The following MOGAT3 variants were observed in gnomAD, a reference collection of about 807,000 sequenced individuals.
MOGAT3 encodes the protein monoacylglycerol O-acyltransferase 3, also known as 2-acylglycerol O-acyltransferase 3.
A neutral mutation model predicts 34.4 loss-of-function variants in MOGAT3; 39 were observed. The observed-to-expected ratio is 1.13, with a 90% confidence interval of 0.88 to 1.48. The LOEUF is 1.48. MOGAT3 is among the 40% of genes most tolerant of loss of function. MOGAT3 has a pLI of 0.00. For synonymous variants in MOGAT3, 209 were observed against 179.2 expected (o/e 1.17, Z -1.33); for missense variants, 439 against 438.9 (o/e 1.00, Z 0.00).
chr7:101,198,569 G>C, intron 4 of MOGAT3, 57 bp downstream of exon 4: 1 of 1,537,126 alleles, frequency 6.5e-7, no homozygotes, highest in Non-Finnish European at 8.9e-7. Flanking sequence ...TCCCAGAGGG[G>C]CTGGGGAACA....
intron 2 of MOGAT3, 48 bp downstream of exon 2, chr7:101,200,360 C>G (rs747472139): frequency 6.2e-7 from 1 of 1,611,104 alleles, no homozygotes; most frequent in South Asian, 1.1e-5. Flanking sequence ...CCCTCACCCC[C>G]CATGTCCCCA....
Position 101,196,102 on chromosome 7 carries a change from T to C in MOGAT3, c.872-2A>G, listed in dbSNP as rs778118479. ...GGGGGACGGGGATGGGGCGGCCCAC[T>C]GCAGGGAGAGGGAGACAGGTGGGCG... On this transcript the variant is annotated splice_acceptor_variant, in intron 6 of 6. Coordinates refer to ENST00000223114, the MANE Select transcript of MOGAT3 (RefSeq NM_178176.4). LOFTEE classifies it high-confidence loss of function. The C allele has an allele frequency of 1.2e-6, 2 of 1,605,648 alleles. No individual in the cohort carries two copies. The highest frequency in any genetic ancestry group is 1.3e-5 in the African/African-American group (1 of 74,750).
chr7:101,200,032 G>C (rs1014146402), intron 3 of MOGAT3, among the ~76,000 whole-genome samples: 1 of 151,602 alleles, frequency 6.6e-6, no homozygotes, highest in African/African-American at 2.4e-5. Context: ...GGCGGAGGTT[G>C]CAATGAGCTG....
In MOGAT3 at chr7:101,196,186, C is replaced by A. The variant is rs1004826750; in HGVS notation, c.871+1G>T. On this transcript the variant is annotated splice_donor_variant, in intron 6 of 6. Transcript: ENST00000223114. LOFTEE classifies it high-confidence loss of function. The stretch of plus-strand genomic sequence containing the variant: ...CCGTCCCCCCGGAGGTGGGCACTCA[C>A]CCACAGTGGTGATGGGCACAGCAAA... The A allele has an allele frequency of 8.9e-6, 14 of 1,573,304 alleles. No individual in the cohort carries two copies. The highest frequency in any genetic ancestry group is 1.2e-5 in the Non-Finnish European group (14 of 1,159,064).
rs751804357 is a variant in MOGAT3, at chr7:101,196,143, C to T, written c.872-43G>A. On this transcript the variant is annotated intron_variant, in intron 6 of 6. Coordinates refer to ENST00000223114, the MANE Select transcript of MOGAT3 (RefSeq NM_178176.4). Reference sequence around the variant, plus strand: ...CAGGTGGGCGAGGGATCCCTGATGCCCACGCAGCTGCTGGTGGCCGTCCCC... The same window carrying T: ...CAGGTGGGCGAGGGATCCCTGATGCTCACGCAGCTGCTGGTGGCCGTCCCC... 3 of 1,578,802 alleles carry T rather than the reference C, an allele frequency of 1.9e-6. No individual in the cohort carries two copies. The East Asian group carries it at 7.0e-5, about 37-fold the overall frequency.
At position 101,200,837 on chromosome 7, in the gene MOGAT3, G is replaced by A. The variant is rs761598820; in HGVS notation, c.18C>T (p.Thr6=). The part of the protein sequence containing the change: MGVAT[T]LQPPTTSKTL... ...TTTTGGAAGTGGTTGGGGGCTGCAG[G>A]GTTGTGGCAACTCCCATTGCAGAAG... Residue 6 remains threonine, a synonymous_variant, in exon 1 of 7, where the codon ACC becomes ACT. Coordinates refer to ENST00000223114, the MANE Select transcript of MOGAT3 (RefSeq NM_178176.4). 6.2e-6 allele frequency: 10 copies of A among 1,613,712 alleles called. No individual in the cohort carries two copies. Among genetic ancestry groups the A allele is most frequent in the Non-Finnish European group, 8.5e-6 (10 of 1,179,926 alleles).
downstream of MOGAT3, among the ~76,000 whole-genome samples, chr7:101,193,155 T>C (rs2116755424): frequency 6.6e-6 from 1 of 152,018 alleles, no homozygotes; most frequent in South Asian, 2.1e-4. Context: ...GGTGCTGTGG[T>C]GCAATCTTGG....
chr7:101,200,893 G>T lies in MOGAT3; in HGVS notation c.-39C>A, dbSNP rs371421116. On this transcript the variant is annotated 5_prime_UTR_variant, in exon 1 of 7. Coordinates refer to ENST00000223114, the MANE Select transcript of MOGAT3 (RefSeq NM_178176.4). ...CTCTTCCAGCAGGATCCCAGAACCC[G>T]GAGGACAAACGATGAAGGCTTGGAT... is the stretch of plus-strand genomic sequence containing the variant. 3 of 1,541,414 alleles carry T rather than the reference G, an allele frequency of 1.9e-6. No homozygotes were observed. The highest frequency in any genetic ancestry group is 1.8e-6 in the Non-Finnish European group (2 of 1,125,222).
rs1370405492 is a variant in MOGAT3, at chr7:101,200,266, A to G, written c.256T>C (p.Trp86Arg). The stretch of plus-strand genomic sequence containing the variant: ...GGATAATAATCCCTTAGTTGTCTCC[A>G]AATTGCCCGGTTCCTTATCCACTCC... ...RSEWIRNRAI[W>R]RQLRDYYPVK... Residue 86 changes from tryptophan (W) to arginine (R), a missense_variant, in exon 3 of 7, where the codon TGG becomes CGG. Physicochemically the swap from Trp to Arg is moderately radical, Grantham distance 101 (BLOSUM62 -3). Coordinates refer to ENST00000223114, the MANE Select transcript of MOGAT3 (RefSeq NM_178176.4). 1 of 1,614,092 alleles carries G rather than the reference A, an allele frequency of 6.2e-7. No individual in the cohort carries two copies. The highest frequency in any genetic ancestry group is 1.7e-5 in the Admixed American group (1 of 60,010).
intron 5 of MOGAT3, among the ~76,000 whole-genome samples, chr7:101,196,882 G>A (rs1199548368): frequency 1.3e-5 from 2 of 150,402 alleles, no homozygotes; most frequent in Non-Finnish European, 3.0e-5. Context: ...AAATAAATAG[G>A]CTGGGTGCGG....
chr7:101,196,956 A>C (rs1000666065), intron 5 of MOGAT3, among the ~76,000 whole-genome samples: 7 of 152,212 alleles, frequency 4.6e-5, no homozygotes, highest in African/African-American at 1.7e-4. Flanking sequence ...TGAGGTCAGG[A>C]GTTCGAGACC....
intron 5 of MOGAT3, 70 bp from the exon 6 acceptor site, chr7:101,196,459 C>T: frequency 8.9e-7 from 1 of 1,120,586 alleles, no homozygotes; most frequent in South Asian, 1.5e-5. Flanking sequence ...CCCCCAGGGG[C>T]TACAAGTCCT....
rs188368071 is a variant in MOGAT3 at position 101,199,947 on chromosome 7, G to C, written c.288+287C>G. ...TGTCTCTACTAAACTACAAAAATTAGCCAGGCATGGTGGCGGGCACCTATA... is the reference window on the plus strand; with the variant it reads ...TGTCTCTACTAAACTACAAAAATTACCCAGGCATGGTGGCGGGCACCTATA... On this transcript the variant is annotated intron_variant, in intron 3 of 6. Transcript: ENST00000223114. Among the ~76,000 whole-genome samples the C allele has an allele frequency of 3.6e-3, 554 of 152,132 alleles. 4 individuals carry two copies. The highest frequency in any genetic ancestry group is 0.015 in the South Asian group (71 of 4,822).
chr7:101,196,968 C>T (rs1797807827), intron 5 of MOGAT3, among the ~76,000 whole-genome samples: 1 of 151,794 alleles, frequency 6.6e-6, no homozygotes, highest in African/African-American at 2.4e-5. Context: ...TTCGAGACCA[C>T]CCTGACCAAT....
chr7:101,197,789 A>G (rs1025129255), intron 5 of MOGAT3, among the ~76,000 whole-genome samples: 2 of 151,892 alleles, frequency 1.3e-5, no homozygotes, highest in Non-Finnish European at 2.9e-5. Context: ...AGTCCCAACT[A>G]CTCGGGAGGC....
chr7:101,197,829 T>A (rs1797835198), intron 5 of MOGAT3, among the ~76,000 whole-genome samples: 1 of 151,878 alleles, frequency 6.6e-6, no homozygotes. Flanking sequence ...GACCACGCCT[T>A]TGCACTCCAG....
In MOGAT3 at chr7:101,198,707, A is replaced by G; in HGVS notation, c.412T>C (p.Phe138Leu). Residue 138 changes from phenylalanine (F) to leucine (L), a missense_variant, in exon 4 of 7, where the codon TTC (phenylalanine) becomes CTC (leucine). By Grantham distance (22) the Phe-to-Leu change is conservative. Coordinates refer to ENST00000223114, the MANE Select transcript of MOGAT3 (RefSeq NM_178176.4). The part of the protein sequence containing the change: ...STESNGFSQL[F>L]PGLRPWLAVL... ...GCTAACCAGGGCCGGAGCCCCGGGA[A>G]GAGCTGGGAGAAGCCATTGCTCTCG... is the stretch of plus-strand genomic sequence containing the variant. 2 of 1,613,700 alleles carry G rather than the reference A, an allele frequency of 1.2e-6. No individual in the cohort carries two copies. Among genetic ancestry groups the G allele is most frequent in the Non-Finnish European group, 1.7e-6 (2 of 1,180,006 alleles).
Position 101,196,304 on chromosome 7 carries a change from A to G in MOGAT3, c.754T>C (p.Cys252Arg). The G allele has an allele frequency of 6.2e-7, 1 of 1,613,942 alleles. No individual in the cohort carries two copies. The highest frequency in any genetic ancestry group is 1.3e-5 in the African/African-American group (1 of 75,052). ...ATGAGCTTCTTGAAGGTGAGCTGGC[A>G]CCAATGCTGCCAGGAGCCTGTGGCA... ...AFATGSWQHW[C>R]QLTFKKLMGF... Residue 252 changes from cysteine to arginine, a missense_variant, in exon 6 of 7, where the codon TGC becomes CGC. Physicochemically the swap from Cys to Arg is radical, Grantham distance 180 (BLOSUM62 -3). Transcript: ENST00000223114.
chr7:101,196,153 G>T, intron 6 of MOGAT3, 34 bp downstream of exon 6: 1 of 1,572,934 alleles, frequency 6.4e-7, no homozygotes, highest in Non-Finnish European at 8.6e-7. Flanking sequence ...CCACGCAGCT[G>T]CTGGTGGCCG....
Sources: allele counts gnomAD v4.1 joint callset (sites outside exome capture counted in the v4.1 genomes callset), GRCh38; gene constraint gnomAD v4.1.1; transcripts MANE v1.5; gene names NCBI Gene and HGNC (gene_info 2026-07-23, HGNC 2026-07-21).